Variants in NPM1 observed in about 807,000 individuals in gnomAD.
NPM1 encodes the protein nucleophosmin 1.
Under a neutral mutation model 44.1 loss-of-function variants are expected in NPM1, and 1 was observed. The ratio of observed to expected loss-of-function variants is 0.02; its 90% CI spans 0.01 to 0.11. The LOEUF is 0.11. Among genes scored for constraint, NPM1 ranks in the 10% least tolerant of loss-of-function variants. NPM1 has a pLI of 1.00. For missense variants in NPM1, 197 were observed against 347.8 expected (o/e 0.57, Z 3.45); for synonymous variants, 126 against 111.8 (o/e 1.13, Z -0.80).
chr5:171,388,766 A>G (rs1252715686), intron 1 of NPM1, among the ~76,000 whole-genome samples: 1 of 152,128 alleles, frequency 6.6e-6, no homozygotes, highest in Non-Finnish European at 1.5e-5. Flanking sequence ...GGCAGCTCTC[A>G]TTTTTTTGAG....
chr5:171,399,885 G>T (rs560582962), intron 6 of NPM1, among the ~76,000 whole-genome samples: 1 of 152,150 alleles, frequency 6.6e-6, no homozygotes, highest in African/African-American at 2.4e-5. Flanking sequence ...TTAATGAATA[G>T]AATCATACAG....
rs376921126 is a variant in NPM1, at chr5:171,409,707, T to C, written c.847-820T>C. ...ACTTTTCTTCAGAACCACCTTGCCATGTTGGCCAGGCTGGTCTTGAACTCC... is the reference window on the plus strand; with the variant it reads ...ACTTTTCTTCAGAACCACCTTGCCACGTTGGCCAGGCTGGTCTTGAACTCC... On this transcript the variant is annotated intron_variant, in intron 10 of 10. Coordinates refer to ENST00000296930, the MANE Select transcript of NPM1 (RefSeq NM_002520.7). Among the ~76,000 whole-genome samples, 18 of 152,230 alleles carry C rather than the reference T, an allele frequency of 1.2e-4. 1 individual carries two copies. The highest frequency in any genetic ancestry group is 6.5e-4 in the Admixed American group (10 of 15,280).
In NPM1 at chr5:171,401,432, G is replaced by A. The variant is rs560998075; in HGVS notation, c.669+507G>A. Reference sequence around the variant, plus strand: ...CTAAATGTAAGGTGGTGGGGCGGGGGGAGCCAATAGACTTTTTTGAAAGAG... The same window carrying A: ...CTAAATGTAAGGTGGTGGGGCGGGGAGAGCCAATAGACTTTTTTGAAAGAG... On this transcript the variant is annotated intron_variant, in intron 8 of 10. Transcript: ENST00000296930. Among the ~76,000 whole-genome samples the A allele has an allele frequency of 4.6e-5, 7 of 152,176 alleles. No homozygotes were observed. In the South Asian group the frequency reaches 1.0e-3, roughly 23 times the overall value.
At chr5:171,400,762 C>T in intron 7 of NPM1, 77 bp from the exon 8 acceptor site, 1 of 963,526 alleles carries the variant, frequency 1.0e-6, no homozygotes, top group East Asian at 2.5e-5. Flanking sequence ...TGCTGCTTGT[C>T]TTACATGGCT....
chr5:171,388,053 C>A, intron 1 of NPM1, 47 bp downstream of exon 1: 1 of 589,620 alleles, frequency 1.7e-6, no homozygotes, highest in Non-Finnish European at 3.2e-6. Context: ...GGCCTGGTGG[C>A]GGTGAGGGTG....
chr5:171,403,402 ACTT>A lies in NPM1; in HGVS notation c.670-1896_670-1894del, dbSNP rs922736067. 8.1e-4 allele frequency among the ~76,000 whole-genome samples: 89 copies of A among 109,458 alleles called. 1 individual carries two copies. The highest frequency in any genetic ancestry group is 4.3e-3 in the Middle Eastern group (1 of 230). The allele number at this position is 109,458 out of a possible 152,430, so 71.8% of individuals were successfully genotyped here. Reference sequence around the variant, plus strand: ...ACAAAATGAAAAGTCTCCCATGTCTACTTCTTTCTACACAGACACGGCAACCAT... The same window carrying A: ...ACAAAATGAAAAGTCTCCCATGTCTACTTTCTACACAGACACGGCAACCAT... On this transcript the variant is annotated intron_variant, in intron 8 of 10. Coordinates refer to ENST00000296930, the MANE Select transcript of NPM1 (RefSeq NM_002520.7).
chr5:171,391,602 A>G, intron 3 of NPM1, 104 bp from the exon 4 acceptor site: 1 of 1,111,454 alleles, frequency 9.0e-7, no homozygotes, highest in East Asian at 2.4e-5. Flanking sequence ...TCAGAGGTGG[A>G]AAAACAGGTT....
intron 8 of NPM1, among the ~76,000 whole-genome samples, chr5:171,401,560 C>T (rs1339968884): frequency 6.6e-6 from 1 of 152,152 alleles, no homozygotes; most frequent in East Asian, 1.9e-4. Flanking sequence ...CCTCAGCTTC[C>T]CAAGTAGCTG....
chr5:171,391,960 G>C (rs534894269), intron 4 of NPM1, among the ~76,000 whole-genome samples, 161 bp downstream of exon 4: 13 of 150,082 alleles, frequency 8.7e-5, no homozygotes, highest in Admixed American at 4.6e-4. Flanking sequence ...TTTGGGGCGG[G>C]GGGGAGAGGA....
Position 171,410,475 on chromosome 5 carries a change from G to T in NPM1, c.847-52G>T, listed in dbSNP as rs371446657. 22 of 1,124,230 alleles carry T rather than the reference G, an allele frequency of 2.0e-5. No homozygotes were observed. The African/African-American group carries it at 3.2e-4, about 16-fold the overall frequency. 69.6% of individuals were successfully genotyped at this position (1,124,230 alleles called of 1,614,324 possible). On this transcript the variant is annotated intron_variant, in intron 10 of 10. Coordinates refer to ENST00000296930, the MANE Select transcript of NPM1 (RefSeq NM_002520.7). ...GCAAAGAGACATTTAATTTATTGATGTCTATGAAGTGTTGTGGTTCCTTAA... is the reference window on the plus strand; with the variant it reads ...GCAAAGAGACATTTAATTTATTGATTTCTATGAAGTGTTGTGGTTCCTTAA...
Position 171,406,814 on chromosome 5 carries a change from C to A in NPM1, c.772-886C>A. 4 of 632,530 alleles carry A rather than the reference C, an allele frequency of 6.3e-6. No homozygotes were observed. The African/African-American group carries it at 7.7e-5, about 12-fold the overall frequency. 39.2% of individuals were successfully genotyped at this position (632,530 alleles called of 1,614,324 possible). ...TTGGAGGCAGTTAAGTTTCTTAATG[C>A]TATACCTGATTCTGCCAAAGTCCCT... is the stretch of plus-strand genomic sequence containing the variant. On this transcript the variant is annotated intron_variant, in intron 9 of 10. Coordinates refer to ENST00000296930, the MANE Select transcript of NPM1 (RefSeq NM_002520.7).
intron 10 of NPM1, among the ~76,000 whole-genome samples, chr5:171,408,919 T>C (rs976499089): frequency 1.3e-5 from 2 of 152,132 alleles, no homozygotes; most frequent in African/African-American, 2.4e-5. Context: ...TTCTGTACTT[T>C]ATAACAAAGG....
At chr5:171,393,923 G>A (rs1026484104) in intron 6 of NPM1, among the ~76,000 whole-genome samples, 2 of 151,964 alleles carry the variant, frequency 1.3e-5, no homozygotes, top group Non-Finnish European at 2.9e-5. Flanking sequence ...AGGCCAGCCC[G>A]GTCAAAATAG....
At chr5:171,400,984 T>A in intron 8 of NPM1, 59 bp downstream of exon 8, 1 of 1,146,616 alleles carries the variant, frequency 8.7e-7, no homozygotes, top group Non-Finnish European at 1.3e-6. Context: ...AAGATTCTAC[T>A]GTGGAAGAAT....
intron 9 of NPM1, chr5:171,406,281 T>TCAC (rs1771561179): frequency 1.1e-6 from 1 of 918,562 alleles, no homozygotes; most frequent in Non-Finnish European, 1.8e-6. Context: ...TGTAAACCCT[T>TCAC]TAGCCTTCCT....
intron 1 of NPM1, among the ~76,000 whole-genome samples, chr5:171,388,535 A>AGGCGC (rs904462045): frequency 1.1e-4 from 10 of 92,126 alleles, no homozygotes; most frequent in African/African-American, 1.3e-4. Context: ...GGGGGTGGGG[A>AGGCGC]GGCGCGGCGC....
Position 171,390,112 on chromosome 5 carries a change from C to T in NPM1, c.120C>T (p.His40=). 1 of 1,568,384 alleles carries T rather than the reference C, an allele frequency of 6.4e-7. No individual in the cohort carries two copies. Among genetic ancestry groups the T allele is most frequent in the Non-Finnish European group, 8.6e-7 (1 of 1,158,222 alleles). The change falls in exon 2 of 11, where the codon CAC becomes CAT. Residue 40 remains histidine, a synonymous_variant. Transcript: ENST00000296930. Reference sequence around the variant, plus strand: ...AGGTGGATAATGATGAAAATGAGCACCAGTTATCTTTAAGAACGGTACTTA... The same window carrying T: ...AGGTGGATAATGATGAAAATGAGCATCAGTTATCTTTAAGAACGGTACTTA... ...HFKVDNDENE[H]QLSLRTVSLG...
Position 171,387,912 on chromosome 5 carries a change from C to T in NPM1, c.-37C>T, listed in dbSNP as rs774422812. The T allele has an allele frequency of 1.3e-6, 2 of 1,599,034 alleles. No individual in the cohort carries two copies. Among genetic ancestry groups the T allele is most frequent in the South Asian group, 1.1e-5 (1 of 90,686 alleles). ...TGGAGCAGCGTTCTTTTATCTCCGT[C>T]CGCCTTCTCTCCTACCTAAGTGCGT... On this transcript the variant is annotated 5_prime_UTR_variant, in exon 1 of 11. Coordinates refer to ENST00000296930, the MANE Select transcript of NPM1 (RefSeq NM_002520.7).
intron 6 of NPM1, among the ~76,000 whole-genome samples, chr5:171,394,222 T>C (rs1169560990): frequency 6.6e-6 from 1 of 151,884 alleles, no homozygotes; most frequent in East Asian, 1.9e-4. Flanking sequence ...TTGTATTTAG[T>C]AGAGACAGGG....
Sources: allele counts gnomAD v4.1 joint callset (sites outside exome capture counted in the v4.1 genomes callset), GRCh38; gene constraint gnomAD v4.1.1; transcripts MANE v1.5; gene names NCBI Gene and HGNC (gene_info 2026-07-23, HGNC 2026-07-21).